Variants in RASSF8 observed in about 807,000 individuals in gnomAD.
The protein encoded by RASSF8 is Ras association domain family member 8, also known as ras association domain-containing protein 8.
A neutral mutation model predicts 48.5 loss-of-function variants in RASSF8; 22 were observed. The ratio of observed to expected loss-of-function variants is 0.45; its 90% CI spans 0.32 to 0.65. The LOEUF (loss-of-function observed/expected upper bound fraction) is 0.65, where lower values mean the gene tolerates loss of function less well. Among genes scored for constraint, RASSF8 ranks in the 30% least tolerant of loss-of-function variants. The probability of loss-of-function intolerance (pLI) is 0.03; values close to 1 mark genes in which losing one functional copy is unlikely to be tolerated. For synonymous variants in RASSF8, 127 were observed against 171.5 expected (o/e 0.74, Z 2.03); for missense variants, 418 against 489.2 (o/e 0.85, Z 1.37).
At chr12:26,050,832 A>T (rs1009599630) in intron 2 of RASSF8, among the ~76,000 whole-genome samples, 3 of 152,206 alleles carry the variant, frequency 2.0e-5, no homozygotes, top group Admixed American at 2.0e-4. Context: ...TTTTTCATAG[A>T]TTCTTTGAAT....
intron 5 of RASSF8, 75 bp from the exon 6 acceptor site, chr12:26,068,622 C>CA (rs745626485): frequency 3.4e-6 from 4 of 1,161,178 alleles, no homozygotes; most frequent in Non-Finnish European, 4.9e-6. Context: ...GGGTAGGAAG[C>CA]AGTCTGATTT....
chr12:26,004,940 G>A (rs545053371), intron 2 of RASSF8, among the ~76,000 whole-genome samples: 36 of 152,242 alleles, frequency 2.4e-4, no homozygotes, highest in African/African-American at 8.4e-4. Context: ...GGTCACCTGA[G>A]GCCATGGGTT....
At chr12:26,031,336 A>G (rs746282675) in intron 2 of RASSF8, among the ~76,000 whole-genome samples, 2 of 152,112 alleles carry the variant, frequency 1.3e-5, no homozygotes, top group Non-Finnish European at 2.9e-5. Context: ...TTTTCTAAAC[A>G]CTGCCATTTA....
At chr12:26,074,369 G>A (rs1444328389), downstream of RASSF8, among the ~76,000 whole-genome samples, 1 of 152,074 alleles carries the variant, frequency 6.6e-6, no homozygotes, top group Non-Finnish European at 1.5e-5. Flanking sequence ...TTGAGGTGGA[G>A]TCTCCCATTG....
chr12:26,021,179 A>G (rs528788295), intron 2 of RASSF8, among the ~76,000 whole-genome samples: 9 of 152,148 alleles, frequency 5.9e-5, no homozygotes, highest in African/African-American at 2.2e-4. Flanking sequence ...GGTAAAAACT[A>G]TTTTCAAAAA....
Position 26,069,037 on chromosome 12 carries a change from A to G in RASSF8, c.*219A>G. ...ATCAACAGTGTTGATATTTTTGTCC[A>G]GCAGCTATAATGCAAAGCCTTCGTT... On this transcript the variant is annotated 3_prime_UTR_variant, in exon 6 of 6. Coordinates refer to ENST00000689635, the MANE Select transcript of RASSF8 (RefSeq NM_001394098.1). The G allele has an allele frequency of 8.1e-7, 1 of 1,231,864 alleles. No individual in the cohort carries two copies. The highest frequency in any genetic ancestry group is 1.0e-6 in the Non-Finnish European group (1 of 982,366). The allele number at this position is 1,231,864 out of a possible 1,614,324, so 76.3% of individuals were successfully genotyped here. A position where few individuals can be genotyped will look rare whatever the true frequency, so the allele number is the denominator to read the frequency against.
intron 2 of RASSF8, among the ~76,000 whole-genome samples, chr12:26,049,541 G>A (rs1306186490): frequency 2.0e-5 from 3 of 152,286 alleles, no homozygotes; most frequent in South Asian, 2.1e-4. Context: ...TTCCAATGCT[G>A]TTTTATGCAC....
chr12:26,035,417 G>GTATATGAAATTATATAATTATAAA (rs1943114864), intron 2 of RASSF8, among the ~76,000 whole-genome samples: 1 of 34,154 alleles, frequency 2.9e-5, no homozygotes, highest in Admixed American at 1.9e-4. Context: ...AATTATATAA[G>GTATATGAAATTATATAATTATAAA]TATATGAAAT....
chr12:26,010,620 T>C (rs1942500049), intron 2 of RASSF8, among the ~76,000 whole-genome samples: 1 of 152,270 alleles, frequency 6.6e-6, no homozygotes, highest in Non-Finnish European at 1.5e-5. Context: ...ATTAATTGAA[T>C]GTGCTTTAGT....
At chr12:26,063,509 A>G (rs899517813) in intron 3 of RASSF8, among the ~76,000 whole-genome samples, 2 of 151,894 alleles carry the variant, frequency 1.3e-5, no homozygotes, top group Non-Finnish European at 2.9e-5. Flanking sequence ...CGATTCTCCT[A>G]TTTCAGCCTC....
At chr12:26,000,013 A>C (rs1006134334) in intron 2 of RASSF8, among the ~76,000 whole-genome samples, 4 of 152,344 alleles carry the variant, frequency 2.6e-5, no homozygotes, top group Middle Eastern at 3.4e-3. Flanking sequence ...TGTAAGTTGA[A>C]TATAACTCCA....
At chr12:25,971,476 T>G (rs913387769) in intron 1 of RASSF8, among the ~76,000 whole-genome samples, 1 of 152,170 alleles carries the variant, frequency 6.6e-6, no homozygotes, top group African/African-American at 2.4e-5. Context: ...ATGGAAAAAC[T>G]TCTGATGATC....
chr12:26,009,086 A>G (rs1942462293), intron 2 of RASSF8, among the ~76,000 whole-genome samples: 2 of 151,436 alleles, frequency 1.3e-5, no homozygotes, highest in Non-Finnish European at 3.0e-5. Context: ...GTTTCAAGTT[A>G]TATGATGCTT....
At chr12:25,974,598 G>A in intron 1 of RASSF8, among the ~76,000 whole-genome samples, 1 of 151,544 alleles carries the variant, frequency 6.6e-6, no homozygotes, top group East Asian at 1.9e-4. Context: ...TCCTAATGTA[G>A]AATCTGAATA....
intron 1 of RASSF8, among the ~76,000 whole-genome samples, chr12:25,969,080 A>G (rs1283947540): frequency 6.6e-6 from 1 of 152,226 alleles, no homozygotes; most frequent in East Asian, 1.9e-4. Flanking sequence ...TGGGGGGAGC[A>G]AAGGGCTGGA....
intron 3 of RASSF8, among the ~76,000 whole-genome samples, chr12:26,056,159 TG>T (rs2137246411): frequency 6.6e-6 from 1 of 152,274 alleles, no homozygotes; most frequent in African/African-American, 2.4e-5. Flanking sequence ...CACTACAGCT[TG>T]GGTGACAGCG....
chr12:26,024,020 A>G (rs971434696), intron 2 of RASSF8, among the ~76,000 whole-genome samples: 3 of 152,222 alleles, frequency 2.0e-5, no homozygotes, highest in African/African-American at 7.2e-5. Context: ...TTGATAGTCA[A>G]ATAATTCTAC....
At chr12:25,975,044 C>G (rs190006336) in intron 1 of RASSF8, among the ~76,000 whole-genome samples, 3 of 152,054 alleles carry the variant, frequency 2.0e-5, no homozygotes, top group African/African-American at 7.2e-5. Context: ...GATGTGGGTT[C>G]CCAGGGTGGG....
intron 1 of RASSF8, among the ~76,000 whole-genome samples, chr12:25,982,614 C>A (rs1400821237): frequency 6.6e-6 from 1 of 152,168 alleles, no homozygotes; most frequent in African/African-American, 2.4e-5. Context: ...AAGGGGAACA[C>A]CTGGTTAGAG....
Sources: gnomAD v4.1 joint callset for allele counts (sites outside exome capture counted in the v4.1 genomes callset) on GRCh38, gnomAD v4.1.1 for gene constraint, MANE v1.5 for transcripts, NCBI Gene and HGNC (gene_info 2026-07-23, HGNC 2026-07-21) for gene names.